LRMDA: variants seen among roughly 807,000 people sequenced by gnomAD.
LRMDA encodes leucine-rich melanocyte differentiation-associated protein.
In LRMDA, 18 loss-of-function variants were observed where a neutral mutation model predicts 29.8. The observed-to-expected ratio is 0.60, with a 90% CI of 0.42 to 0.90. The LOEUF (loss-of-function observed/expected upper bound fraction) is 0.90. Ranked by LOEUF, LRMDA falls within the 40% of genes least tolerant of loss-of-function variation. The pLI is 0.00. For synonymous variants in LRMDA, 125 were observed against 109.4 expected (o/e 1.14, Z -0.89); for missense variants, 273 against 273.9 (o/e 1.00, Z 0.02).
chr10:76,059,656 A>C (rs567808828), intron 5 of LRMDA, among the ~76,000 whole-genome samples: 4 of 152,330 alleles, frequency 2.6e-5, no homozygotes, highest in African/African-American at 7.2e-5. Context: ...CTAGAAGTCT[A>C]GTTTATCCTC....
chr10:76,006,120 G>A (rs754393640), intron 2 of LRMDA, among the ~76,000 whole-genome samples: 62 of 152,180 alleles, frequency 4.1e-4, no homozygotes, highest in Middle Eastern at 3.4e-3. Flanking sequence ...GAGGCCTCAG[G>A]CAAGGTCCAG....
chr10:75,554,224 G>C (rs1840187545), intron 2 of LRMDA, among the ~76,000 whole-genome samples: 1 of 152,118 alleles, frequency 6.6e-6, no homozygotes, highest in South Asian at 2.1e-4. Context: ...TCTGCATCCT[G>C]AGAAGTAATG....
At chr10:76,074,238 A>G (rs1189849058) in intron 5 of LRMDA, among the ~76,000 whole-genome samples, 1 of 152,212 alleles carries the variant, frequency 6.6e-6, no homozygotes. Context: ...TGCTGTTTTT[A>G]AAGGATTTCA....
At chr10:76,536,691 A>T (rs771361793) in intron 6 of LRMDA, among the ~76,000 whole-genome samples, 1 of 152,144 alleles carries the variant, frequency 6.6e-6, no homozygotes, top group Non-Finnish European at 1.5e-5. Context: ...GCATCATGTT[A>T]TGAGGCACGT....
At chr10:75,750,483 C>CCG (rs1842946958) in intron 2 of LRMDA, among the ~76,000 whole-genome samples, 2 of 45,466 alleles carry the variant, frequency 4.4e-5, no homozygotes, top group Admixed American at 1.9e-4. Flanking sequence ...CCAGACGGGG[C>CCG]GGGGGGTGGG....
At chr10:76,467,343 A>T (rs1035352533) in intron 6 of LRMDA, among the ~76,000 whole-genome samples, 6 of 152,206 alleles carry the variant, frequency 3.9e-5, no homozygotes, top group Non-Finnish European at 7.3e-5. Context: ...TTATGAAAGC[A>T]TTTAAAGGTG....
rs532305793 is a variant in LRMDA at position 75,616,799 on chromosome 10, A to G, written c.131+178305A>G. On this transcript the variant is annotated intron_variant, in intron 2 of 6. Coordinates refer to ENST00000611255, the MANE Select transcript of LRMDA (RefSeq NM_001305581.2). The stretch of plus-strand genomic sequence containing the variant: ...TCTGAACACCTGACCCATAGTGCTA[A>G]GACTCCATAGAGCACTTCTTGTATG... 6.6e-5 allele frequency among the ~76,000 whole-genome samples: 10 copies of G among 152,334 alleles called. No homozygotes were observed. The South Asian group carries it at 1.7e-3, about 25-fold the overall frequency.
intron 2 of LRMDA, among the ~76,000 whole-genome samples, chr10:75,673,104 G>A (rs1366906233): frequency 1.3e-5 from 2 of 152,058 alleles, no homozygotes; most frequent in Non-Finnish European, 2.9e-5. Context: ...ACCTGACAGA[G>A]GCCTTGTGCT....
chr10:76,490,005 T>C (rs1385659253), intron 6 of LRMDA, among the ~76,000 whole-genome samples: 1 of 151,910 alleles, frequency 6.6e-6, no homozygotes, highest in Non-Finnish European at 1.5e-5. Flanking sequence ...GTATTCATAA[T>C]AAAATGAAAA....
intron 5 of LRMDA, among the ~76,000 whole-genome samples, chr10:76,300,486 C>T (rs992947): frequency 0.034 from 5,142 of 152,206 alleles, 239 homozygotes; most frequent in African/African-American, 0.1. Context: ...CCTTTATTTC[C>T]GTCTCTGTGT....
chr10:75,804,507 T>G (rs1286557582), intron 2 of LRMDA, among the ~76,000 whole-genome samples: 1 of 152,134 alleles, frequency 6.6e-6, no homozygotes, highest in Non-Finnish European at 1.5e-5. Flanking sequence ...ATTTCTAGAG[T>G]AAGCAGCTGT....
At chr10:75,827,315 T>C (rs1844263873) in intron 2 of LRMDA, among the ~76,000 whole-genome samples, 2 of 152,220 alleles carry the variant, frequency 1.3e-5, no homozygotes. Context: ...GGCACTTCAC[T>C]AAGGGAAGGA....
At chr10:75,487,233 T>C (rs1445435633) in intron 2 of LRMDA, among the ~76,000 whole-genome samples, 3 of 152,206 alleles carry the variant, frequency 2.0e-5, no homozygotes, top group African/African-American at 4.8e-5. Context: ...ATATAATATA[T>C]AGTTATTTCA....
intron 2 of LRMDA, among the ~76,000 whole-genome samples, chr10:75,833,761 G>A (rs1033740236): frequency 4.6e-5 from 7 of 152,178 alleles, no homozygotes; most frequent in African/African-American, 1.4e-4. Context: ...CTGTGGACCT[G>A]TAAAATCAGA....
chr10:76,182,753 T>C (rs1174916167), intron 5 of LRMDA, among the ~76,000 whole-genome samples: 2 of 152,114 alleles, frequency 1.3e-5, no homozygotes, highest in Admixed American at 1.3e-4. Context: ...AGTAAAGAAC[T>C]GTGGAAGGAG....
At chr10:75,664,181 C>G (rs1036525152) in intron 2 of LRMDA, among the ~76,000 whole-genome samples, 3 of 152,176 alleles carry the variant, frequency 2.0e-5, no homozygotes, top group African/African-American at 7.2e-5. Context: ...ACTGGCTCCT[C>G]TTTCTCAACC....
intron 6 of LRMDA, among the ~76,000 whole-genome samples, chr10:76,433,987 GCTT>G (rs1158552346): frequency 5.3e-5 from 8 of 152,084 alleles, no homozygotes; most frequent in Non-Finnish European, 1.0e-4. Flanking sequence ...TGACGCTTAG[GCTT>G]CTTCTTATCC....
chr10:75,756,112 TG>T (rs1421714987), intron 2 of LRMDA, among the ~76,000 whole-genome samples: 1 of 152,214 alleles, frequency 6.6e-6, no homozygotes, highest in Admixed American at 6.5e-5. Context: ...ATTTTTGTGC[TG>T]GGGCAGAGAC....
At chr10:76,377,044 C>A (rs1464708539) in intron 6 of LRMDA, among the ~76,000 whole-genome samples, 1 of 151,810 alleles carries the variant, frequency 6.6e-6, no homozygotes, top group Non-Finnish European at 1.5e-5. Flanking sequence ...TGCCACCACA[C>A]CTGGCTAATT....
Sources: allele counts gnomAD v4.1 joint callset (sites outside exome capture counted in the v4.1 genomes callset), GRCh38; gene constraint gnomAD v4.1.1; transcripts MANE v1.5; gene names NCBI Gene and HGNC (gene_info 2026-07-23, HGNC 2026-07-21).